MIA2: variants seen among roughly 807,000 people sequenced by gnomAD.
MIA2 encodes MIA SH3 domain ER export factor 2, also known as melanoma inhibitory activity protein 2.
A neutral mutation model predicts 167.8 loss-of-function variants in MIA2; 127 were observed. That is an observed-to-expected ratio of 0.76 (90% confidence interval 0.66 to 0.88). MIA2 has a LOEUF of 0.88. Ranked by LOEUF, MIA2 falls within the 40% of genes least tolerant of loss-of-function variation. The pLI, the probability that MIA2 is intolerant of heterozygous loss-of-function variation, is 0.00. For synonymous variants in MIA2, 552 were observed against 541.9 expected, an observed-to-expected ratio of 1.02 and a Z score of -0.26; for missense variants, 1,690 against 1,624.7, an observed-to-expected ratio of 1.04 and a Z score of -0.69.
rs1180681728 is a variant in MIA2 at position 39,314,803 on chromosome 14, T to A, written c.3180+4T>A. Reference sequence around the variant, plus strand: ...TATTCATTCTTATCAAGGGCAGGTATATATATATGTGTGTGTGTGTGTGTG... The same window carrying A: ...TATTCATTCTTATCAAGGGCAGGTAAATATATATGTGTGTGTGTGTGTGTG... On this transcript the variant is annotated splice_donor_region_variant and intron_variant, in intron 20 of 28. Coordinates refer to ENST00000640607, the MANE Select transcript of MIA2 (RefSeq NM_001329214.4). The A allele has an allele frequency of 8.3e-7, 1 of 1,205,764 alleles. No individual in the cohort carries two copies. The highest frequency in any genetic ancestry group is 2.7e-5 in the East Asian group (1 of 37,244). The allele number at this position is 1,205,764 out of a possible 1,614,324, so 74.7% of individuals were successfully genotyped here. A position where few individuals can be genotyped will look rare whatever the true frequency, so the allele number is the denominator to read the frequency against.
At position 39,280,071 on chromosome 14, in the gene MIA2, C is replaced by T. The variant is rs568385834; in HGVS notation, c.2130+534C>T. Among the ~76,000 whole-genome samples, 24 of 151,826 alleles carry T rather than the reference C, an allele frequency of 1.6e-4. No homozygotes were observed. In the South Asian group the frequency reaches 5.0e-3, roughly 32 times the overall value. ...GTGTGTGTGTGTGTGTGTGAAGATT[C>T]ATTTTTTTTCCTGGGCGTGTCGAGT... On this transcript the variant is annotated intron_variant, in intron 9 of 28. Coordinates refer to ENST00000640607, the MANE Select transcript of MIA2 (RefSeq NM_001329214.4).
chr14:39,365,608 A>G (rs2074802603), intron 23 of MIA2, among the ~76,000 whole-genome samples: 2 of 151,696 alleles, frequency 1.3e-5, no homozygotes, highest in African/African-American at 4.9e-5. Context: ...AATTTCATGT[A>G]TTGAATTCTT....
intron 14 of MIA2, 124 bp downstream of exon 14, chr14:39,300,110 A>T: frequency 8.1e-7 from 1 of 1,236,720 alleles, no homozygotes; most frequent in Non-Finnish European, 1.1e-6. Context: ...ATTTGGCCAG[A>T]TTTTCAAATG....
rs140803414 is a variant in MIA2, at chr14:39,246,896, A to T, written c.337-15A>T. ...GTACATTCATGTTAATCATATATAT[A>T]TTTTTTCCTTTTAGGAATCTGACTT... is the stretch of plus-strand genomic sequence containing the variant. On this transcript the variant is annotated splice_polypyrimidine_tract_variant and intron_variant, in intron 3 of 28. Coordinates refer to ENST00000640607, the MANE Select transcript of MIA2 (RefSeq NM_001329214.4). 3.9e-3 allele frequency: 5,439 copies of T among 1,390,966 alleles called. 13 individuals carry two copies. Among genetic ancestry groups the T allele is most frequent in the Non-Finnish European group, 5.0e-3 (5,123 of 1,030,158 alleles). The allele number at this position is 1,390,966 out of a possible 1,614,324, so 86.2% of individuals were successfully genotyped here.
chr14:39,268,763 G>A lies in MIA2; in HGVS notation c.1888-8171G>A, dbSNP rs140034508. 2.6e-4 allele frequency among the ~76,000 whole-genome samples: 39 copies of A among 152,316 alleles called. No homozygotes were observed. In the East Asian group the frequency reaches 7.5e-3, roughly 29 times the overall value. ...GGAGAGGTGACAGTAGTAAGGATAG[G>A]AAAGAGGGTACTGTGTGGAGAAATA... On this transcript the variant is annotated intron_variant, in intron 6 of 28. Coordinates refer to ENST00000640607, the MANE Select transcript of MIA2 (RefSeq NM_001329214.4).
Position 39,252,791 on chromosome 14 carries a change from A to C in MIA2, c.1611A>C (p.Glu537Asp). Residue 537 changes from glutamate to aspartate, a missense_variant, in exon 5 of 29, where the codon GAA (glutamate) becomes GAC (aspartate). Glu to Asp is a conservative substitution (Grantham distance 45). Transcript: ENST00000640607. The part of the protein sequence containing the change: ...NIELPTRIHE[E>D]VYFEPSSSKD... ...AGTTACCTACGAGAATTCACGAAGAAGTATATTTTGAACCCTCATCTTCTA... is the reference window on the plus strand; with the variant it reads ...AGTTACCTACGAGAATTCACGAAGACGTATATTTTGAACCCTCATCTTCTA... The C allele has an allele frequency of 6.2e-6, 10 of 1,613,764 alleles. No homozygotes were observed. Among genetic ancestry groups the C allele is most frequent in the Non-Finnish European group, 8.5e-6 (10 of 1,179,796 alleles).
intron 25 of MIA2, among the ~76,000 whole-genome samples, chr14:39,337,455 A>G (rs1433146185): frequency 6.6e-6 from 1 of 152,220 alleles, no homozygotes; most frequent in Non-Finnish European, 1.5e-5. Flanking sequence ...CATTTATAGA[A>G]CAAGTTACCC....
chr14:39,365,105 GCA>G (rs945008698), intron 23 of MIA2, among the ~76,000 whole-genome samples: 2 of 150,942 alleles, frequency 1.3e-5, no homozygotes, highest in Admixed American at 1.3e-4. Context: ...TCACTGTGTT[GCA>G]CAGACTGGAG....
intron 6 of MIA2, chr14:39,276,631 T>G (rs2058040209): frequency 3.9e-6 from 1 of 256,838 alleles, no homozygotes; most frequent in African/African-American, 2.3e-5. Flanking sequence ...GAAATCAGGG[T>G]AAGAGTACCT....
chr14:39,238,834 C>A, intron 2 of MIA2, among the ~76,000 whole-genome samples: 1 of 86,960 alleles, frequency 1.1e-5, no homozygotes, highest in Non-Finnish European at 2.5e-5. Context: ...AAAAACCTAG[C>A]TGATAGAGCT....
intron 9 of MIA2, among the ~76,000 whole-genome samples, chr14:39,289,221 G>C (rs1028879453): frequency 3.1e-5 from 2 of 63,874 alleles, no homozygotes; most frequent in African/African-American, 1.4e-4. Context: ...AAGGTAGGCA[G>C]GTTTTCTTTT....
intron 25 of MIA2, among the ~76,000 whole-genome samples, chr14:39,329,160 T>C (rs192340164): frequency 3.5e-4 from 54 of 152,308 alleles, no homozygotes; most frequent in African/African-American, 1.2e-3. Context: ...GGTTTGTAGT[T>C]CTCCTTGAAG....
chr14:39,254,515 A>G (rs1272222372), intron 6 of MIA2, among the ~76,000 whole-genome samples: 1 of 152,234 alleles, frequency 6.6e-6, no homozygotes, highest in African/African-American at 2.4e-5. Flanking sequence ...AGTTCTGAAA[A>G]TGAGGAAATA....
intron 6 of MIA2, among the ~76,000 whole-genome samples, chr14:39,260,846 T>A (rs192719243): frequency 1.6e-4 from 25 of 152,282 alleles, no homozygotes; most frequent in African/African-American, 5.3e-4. Flanking sequence ...TTTAGGTCTA[T>A]CATTTAAATC....
intron 23 of MIA2, among the ~76,000 whole-genome samples, chr14:39,359,869 T>C (rs899400976): frequency 6.6e-6 from 1 of 152,208 alleles, no homozygotes; most frequent in African/African-American, 2.4e-5. Flanking sequence ...TGCAGGATCA[T>C]ACAGTAGTTC....
At chr14:39,302,360 C>T (rs750417114) in intron 15 of MIA2, 111 bp downstream of exon 15, 16 of 1,248,536 alleles carry the variant, frequency 1.3e-5, no homozygotes, top group African/African-American at 4.5e-5. Context: ...TTGGCACATT[C>T]TGTCTGTCTG....
intron 18 of MIA2, 56 bp from the exon 19 acceptor site, chr14:39,313,284 G>T: frequency 1.2e-6 from 1 of 855,306 alleles, no homozygotes; most frequent in South Asian, 2.1e-5. Context: ...TAAAAATATA[G>T]AATTGATTAT....
intron 23 of MIA2, among the ~76,000 whole-genome samples, chr14:39,371,830 C>T (rs1218746118): frequency 1.3e-5 from 2 of 152,178 alleles, no homozygotes; most frequent in South Asian, 4.1e-4. Context: ...CTGTCTTAGT[C>T]TCCTGGGCTT....
At chr14:39,267,484 C>T (rs2056071525) in intron 6 of MIA2, 3 of 1,613,278 alleles carry the variant, frequency 1.9e-6, no homozygotes, top group South Asian at 1.1e-5. Flanking sequence ...GGTTACCCCT[C>T]AACCGTATTT....
Sources: allele counts gnomAD v4.1 joint callset (sites outside exome capture counted in the v4.1 genomes callset), GRCh38; gene constraint gnomAD v4.1.1; transcripts MANE v1.5; gene names NCBI Gene and HGNC (gene_info 2026-07-23, HGNC 2026-07-21).